The following ALPK1 variants were observed in gnomAD, a reference collection of about 807,000 sequenced individuals.
The protein encoded by ALPK1 is alpha-protein kinase 1.
In ALPK1, 110 loss-of-function variants were observed where a neutral mutation model predicts 120.6. The observed-to-expected ratio is 0.91, with a 90% confidence interval of 0.78 to 1.07. The LOEUF (loss-of-function observed/expected upper bound fraction) is 1.07. Among genes scored for constraint, ALPK1 ranks in the 50% least tolerant of loss-of-function variants. The pLI, the probability that ALPK1 is intolerant of heterozygous loss-of-function variation, is 0.00. For missense variants in ALPK1, 1,498 were observed against 1,483.9 expected (o/e 1.01, Z -0.16); for synonymous variants, 582 against 560.3 (o/e 1.04, Z -0.55).
At chr4:112,357,711 A>G in intron 2 of ALPK1, 1 of 1,551,248 alleles carries the variant, frequency 6.4e-7, no homozygotes, top group South Asian at 1.1e-5. Flanking sequence ...CGTTTGACAG[A>G]CGGTTTTCCA....
intron 2 of ALPK1, among the ~76,000 whole-genome samples, chr4:112,337,489 C>T (rs941922518): frequency 1.3e-5 from 2 of 152,056 alleles, no homozygotes. Context: ...GAGGTCAGGA[C>T]TTTGAGACAG....
chr4:112,328,151 T>C (rs374117201), intron 2 of ALPK1, among the ~76,000 whole-genome samples: 1 of 152,258 alleles, frequency 6.6e-6, no homozygotes, highest in Non-Finnish European at 1.5e-5. Context: ...GTCGATACAT[T>C]AATAAGTTCT....
intron 7 of ALPK1, 23 bp downstream of exon 7, chr4:112,425,774 T>C: frequency 6.3e-7 from 1 of 1,589,550 alleles, no homozygotes; most frequent in Non-Finnish European, 8.6e-7. Context: ...AAAACTTGCA[T>C]TTCTCAAGGC....
intron 2 of ALPK1, among the ~76,000 whole-genome samples, chr4:112,369,930 C>T (rs1044401727): frequency 2.6e-5 from 4 of 152,108 alleles, no homozygotes; most frequent in African/African-American, 7.2e-5. Context: ...TAAAGATCAT[C>T]GCTCATATTT....
chr4:112,316,013 T>C (rs904959288), intron 2 of ALPK1, 161 bp downstream of exon 2: 4 of 152,252 alleles, frequency 2.6e-5, no homozygotes, highest in African/African-American at 9.6e-5. Context: ...TATTCTTCAA[T>C]AATTTTTAAA....
chr4:112,416,511 G>A (rs545430740), intron 5 of ALPK1, among the ~76,000 whole-genome samples: 19 of 152,204 alleles, frequency 1.2e-4, no homozygotes, highest in South Asian at 4.2e-4. Context: ...GACTTCTAGC[G>A]GGACTAACTA....
chr4:112,369,382 C>G (rs1049964823), intron 2 of ALPK1, among the ~76,000 whole-genome samples: 7 of 152,196 alleles, frequency 4.6e-5, no homozygotes, highest in African/African-American at 1.4e-4. Context: ...TCTATGGGTG[C>G]TCAGAGAAGA....
intron 2 of ALPK1, among the ~76,000 whole-genome samples, chr4:112,346,581 G>A (rs534728948): frequency 2.5e-4 from 38 of 152,204 alleles, no homozygotes; most frequent in Non-Finnish European, 4.7e-4. Flanking sequence ...AAAACAGATG[G>A]AAATGAAATT....
At chr4:112,364,875 A>G (rs1731073210) in intron 2 of ALPK1, among the ~76,000 whole-genome samples, 1 of 152,240 alleles carries the variant, frequency 6.6e-6, no homozygotes, top group African/African-American at 2.4e-5. Context: ...GGTGGGTTTC[A>G]TACCAGGGAT....
intron 2 of ALPK1, among the ~76,000 whole-genome samples, chr4:112,362,783 A>T (rs748603447): frequency 6.6e-6 from 1 of 152,244 alleles, no homozygotes; most frequent in Non-Finnish European, 1.5e-5. Flanking sequence ...GCACATAGTC[A>T]TCAGGTTATC....
chr4:112,412,037 C>T lies in ALPK1; in HGVS notation c.475+12C>T. On this transcript the variant is annotated intron_variant, in intron 5 of 15. Transcript: ENST00000650871. ...CTCCGTGAACTCAGGTATGCTCCCT[C>T]CTGCTGGCCGCCCCCGCGTCCTCAG... The T allele has an allele frequency of 6.2e-7, 1 of 1,613,506 alleles. No homozygotes were observed. The highest frequency in any genetic ancestry group is 1.1e-5 in the South Asian group (1 of 91,076).
At chr4:112,360,736 T>G (rs761086319) in intron 2 of ALPK1, among the ~76,000 whole-genome samples, 2 of 152,230 alleles carry the variant, frequency 1.3e-5, no homozygotes, top group Non-Finnish European at 2.9e-5. Context: ...TAAAATACTT[T>G]TATTTTGCAG....
At position 112,442,193 on chromosome 4, in the gene ALPK1, G is replaced by A. The variant is rs231254; in HGVS notation, c.*983G>A. 0.29 allele frequency: 43,991 copies of A among 152,064 alleles called. 6,709 individuals are homozygous for A. Among genetic ancestry groups the A allele is most frequent in the East Asian group, 0.43 (2,194 of 5,162 alleles). The allele number at this position is 152,064 out of a possible 1,614,324, so 9.4% of individuals were successfully genotyped here. Reference sequence around the variant, plus strand: ...AAACTGCCTCAATTACCTCCTACCAGGTCCTTCCCATGACACATGGGAATT... The same window carrying A: ...AAACTGCCTCAATTACCTCCTACCAAGTCCTTCCCATGACACATGGGAATT... On this transcript the variant is annotated 3_prime_UTR_variant, in exon 16 of 16. Coordinates refer to ENST00000650871, the MANE Select transcript of ALPK1 (RefSeq NM_025144.4).
intron 1 of ALPK1, among the ~76,000 whole-genome samples, chr4:112,306,910 A>G (rs966596186): frequency 6.6e-6 from 1 of 151,754 alleles, no homozygotes; most frequent in Non-Finnish European, 1.5e-5. Flanking sequence ...TTCCCTCTAC[A>G]CTCTACTTTA....
intron 2 of ALPK1, among the ~76,000 whole-genome samples, chr4:112,350,655 C>A (rs114137159): frequency 2.6e-5 from 4 of 152,138 alleles, no homozygotes; most frequent in Non-Finnish European, 5.9e-5. Context: ...AGTGATCATG[C>A]GTTTTCAGGA....
At chr4:112,299,206 G>T (rs1727680910) in intron 1 of ALPK1, among the ~76,000 whole-genome samples, 1 of 151,956 alleles carries the variant, frequency 6.6e-6, no homozygotes, top group South Asian at 2.1e-4. Flanking sequence ...AGAACTGTGG[G>T]ATAGACAAAC....
intron 5 of ALPK1, among the ~76,000 whole-genome samples, chr4:112,415,301 T>A (rs1733689035): frequency 6.6e-6 from 1 of 152,152 alleles, no homozygotes; most frequent in Admixed American, 6.5e-5. Context: ...CATGGGAATC[T>A]CACAGGAAAA....
At chr4:112,300,288 A>G (rs770688565) in intron 1 of ALPK1, among the ~76,000 whole-genome samples, 1 of 152,150 alleles carries the variant, frequency 6.6e-6, no homozygotes, top group Non-Finnish European at 1.5e-5. Flanking sequence ...TCTAAAAGTG[A>G]TTGTTGTCTT....
At chr4:112,322,491 TA>T (rs1314477242) in intron 2 of ALPK1, among the ~76,000 whole-genome samples, 2 of 152,244 alleles carry the variant, frequency 1.3e-5, no homozygotes, top group Non-Finnish European at 2.9e-5. Context: ...TCTGCTTTTA[TA>T]AACATTTAAC....
Sources: gnomAD v4.1 joint callset for allele counts (sites outside exome capture counted in the v4.1 genomes callset) on GRCh38, gnomAD v4.1.1 for gene constraint, MANE v1.5 for transcripts, NCBI Gene and HGNC (gene_info 2026-07-23, HGNC 2026-07-21) for gene names.